Variants in SLCO3A1 observed in about 807,000 individuals in gnomAD.
SLCO3A1 encodes the protein PGE1 transporter.
Under a neutral mutation model 63.1 loss-of-function variants are expected in SLCO3A1, and 27 were observed. The observed-to-expected ratio is 0.43, with a 90% CI of 0.32 to 0.59. The LOEUF (loss-of-function observed/expected upper bound fraction) is 0.59, where lower values mean the gene tolerates loss of function less well. SLCO3A1 is among the 20% of genes least tolerant of loss of function. The pLI, the probability that SLCO3A1 is intolerant of heterozygous loss-of-function variation, is 0.09. For missense variants in SLCO3A1, 773 were observed against 945.8 expected, an observed-to-expected ratio of 0.82 and a Z score of 2.40; for synonymous variants, 473 against 409.9, an observed-to-expected ratio of 1.15 and a Z score of -1.86.
chr15:92,002,516 A>G (rs2046267705), intron 2 of SLCO3A1, among the ~76,000 whole-genome samples: 1 of 152,204 alleles, frequency 6.6e-6, no homozygotes, highest in South Asian at 2.1e-4. Flanking sequence ...TTTTAAGAAA[A>G]AAAATTATTA....
In SLCO3A1 at chr15:92,082,347, G is replaced by A. The variant is rs146326922; in HGVS notation, c.647-12534G>A. 1.9e-4 allele frequency among the ~76,000 whole-genome samples: 29 copies of A among 152,350 alleles called. No homozygotes were observed. In the East Asian group the frequency reaches 3.3e-3, roughly 17 times the overall value. On this transcript the variant is annotated intron_variant, in intron 2 of 9. Coordinates refer to ENST00000318445, the MANE Select transcript of SLCO3A1 (RefSeq NM_013272.4). ...GAGGAGACGAAGGCAAGTGGGTGATGAGAAACGCAAAGCCCTGACGGAGGG... is the reference window on the plus strand; with the variant it reads ...GAGGAGACGAAGGCAAGTGGGTGATAAGAAACGCAAAGCCCTGACGGAGGG...
At chr15:92,052,086 G>C (rs757762702) in intron 2 of SLCO3A1, among the ~76,000 whole-genome samples, 1 of 152,218 alleles carries the variant, frequency 6.6e-6, no homozygotes, top group Non-Finnish European at 1.5e-5. Flanking sequence ...CACACTGCCC[G>C]TGTCCCTGCT....
chr15:92,126,554 A>G (rs2047926421), intron 6 of SLCO3A1, among the ~76,000 whole-genome samples: 1 of 152,198 alleles, frequency 6.6e-6, no homozygotes, highest in Admixed American at 6.5e-5. Context: ...GAAGAGAGAA[A>G]ATAAAAATTT....
intron 1 of SLCO3A1, among the ~76,000 whole-genome samples, chr15:91,871,871 C>A (rs1446126936): frequency 7.1e-6 from 1 of 141,008 alleles, no homozygotes; most frequent in Admixed American, 7.5e-5. Flanking sequence ...TTTAATTCTA[C>A]CATTTTAACT....
chr15:92,049,444 A>G lies in SLCO3A1; in HGVS notation c.647-45437A>G, dbSNP rs138905272. Among the ~76,000 whole-genome samples, 556 of 152,274 alleles carry G rather than the reference A, an allele frequency of 3.7e-3. 4 individuals are homozygous for G. Among genetic ancestry groups the G allele is most frequent in the African/African-American group, 0.012 (516 of 41,568 alleles). ...TCTCCAGTACCCCCAAGCTCTTGCA[A>G]CTGACCCTAAGCTACCATTGCCCTG... is the stretch of plus-strand genomic sequence containing the variant. On this transcript the variant is annotated intron_variant, in intron 2 of 9. Transcript: ENST00000318445.
intron 2 of SLCO3A1, among the ~76,000 whole-genome samples, chr15:91,918,136 G>C (rs1898722948): frequency 6.6e-6 from 1 of 152,238 alleles, no homozygotes; most frequent in South Asian, 2.1e-4. Context: ...TCCCCACACT[G>C]GGTGAGGGTT....
At chr15:91,870,664 A>G (rs1897260882) in intron 1 of SLCO3A1, among the ~76,000 whole-genome samples, 1 of 152,134 alleles carries the variant, frequency 6.6e-6, no homozygotes, top group Non-Finnish European at 1.5e-5. Flanking sequence ...TGTATGTTAC[A>G]TTGTCTTTGA....
rs565553991 is a variant in SLCO3A1, at chr15:92,140,509, C to T, written c.1513-6475C>T. Among the ~76,000 whole-genome samples the T allele has an allele frequency of 1.2e-4, 19 of 152,096 alleles. No individual in the cohort carries two copies. The South Asian group carries it at 3.8e-3, about 30-fold the overall frequency. On this transcript the variant is annotated intron_variant, in intron 7 of 9. Transcript: ENST00000318445. Reference sequence around the variant, plus strand: ...TCTATTAGGTCCGCTTGGTGCAGAGCTGAGTTCAATTCCTGGGTATCCTTG... The same window carrying T: ...TCTATTAGGTCCGCTTGGTGCAGAGTTGAGTTCAATTCCTGGGTATCCTTG...
intron 1 of SLCO3A1, among the ~76,000 whole-genome samples, chr15:91,898,786 G>C (rs973516120): frequency 8.5e-5 from 13 of 152,202 alleles, no homozygotes; most frequent in African/African-American, 2.9e-4. Context: ...TGAATATATA[G>C]AGAGATTTAC....
chr15:92,090,332 G>A (rs1013852800), intron 2 of SLCO3A1, among the ~76,000 whole-genome samples: 2 of 152,178 alleles, frequency 1.3e-5, no homozygotes, highest in African/African-American at 4.8e-5. Context: ...AAGATATTCT[G>A]CCTTACCCCT....
chr15:91,938,213 T>G (rs1240035798), intron 2 of SLCO3A1, among the ~76,000 whole-genome samples: 1 of 152,228 alleles, frequency 6.6e-6, no homozygotes, highest in East Asian at 1.9e-4. Context: ...GGGGTAATAC[T>G]ATCTGCGTTA....
chr15:92,135,740 G>A (rs1407554879), intron 7 of SLCO3A1, among the ~76,000 whole-genome samples: 1 of 152,170 alleles, frequency 6.6e-6, no homozygotes, highest in Non-Finnish European at 1.5e-5. Context: ...CTTTATTGTG[G>A]TGGTGTCCCA....
intron 2 of SLCO3A1, among the ~76,000 whole-genome samples, chr15:91,935,928 T>C (rs1021669955): frequency 1.3e-5 from 2 of 151,678 alleles, no homozygotes; most frequent in African/African-American, 4.8e-5. Context: ...TAAGACCTAA[T>C]TATTAAAGTT....
chr15:92,162,747 C>T lies in SLCO3A1; in HGVS notation c.1754-9C>T, dbSNP rs769534394. 56 of 1,603,248 alleles carry T rather than the reference C, an allele frequency of 3.5e-5. No homozygotes were observed. The highest frequency in any genetic ancestry group is 1.7e-4 in the Admixed American group (10 of 58,702). ...ATCCAGAACCTTAACATTCTTTTCC[C>T]GGTAACAGGCTTCATCCCTCCACCC... is the stretch of plus-strand genomic sequence containing the variant. On this transcript the variant is annotated splice_polypyrimidine_tract_variant and intron_variant, in intron 9 of 9. Transcript: ENST00000318445.
chr15:92,147,473 G>T (rs1484930166), intron 8 of SLCO3A1, among the ~76,000 whole-genome samples: 1 of 152,124 alleles, frequency 6.6e-6, no homozygotes, highest in Non-Finnish European at 1.5e-5. Flanking sequence ...GAAAATGAAA[G>T]TGGCGTCAGT....
At chr15:91,946,836 A>T (rs903291780) in intron 2 of SLCO3A1, among the ~76,000 whole-genome samples, 6 of 152,208 alleles carry the variant, frequency 3.9e-5, no homozygotes, top group African/African-American at 1.2e-4. Flanking sequence ...CCTCCGAGGA[A>T]GGGCAGGTCG....
intron 1 of SLCO3A1, among the ~76,000 whole-genome samples, chr15:91,870,684 T>G (rs1338174271): frequency 6.6e-6 from 1 of 151,890 alleles, no homozygotes; most frequent in East Asian, 1.9e-4. Context: ...AACTCCATAG[T>G]TGTCTGTTTT....
At chr15:92,127,885 G>C (rs1334207841) in intron 6 of SLCO3A1, among the ~76,000 whole-genome samples, 2 of 152,172 alleles carry the variant, frequency 1.3e-5, no homozygotes, top group Admixed American at 6.5e-5. Flanking sequence ...CCAGCCCAAA[G>C]AGGGAAGAAG....
rs115157807 is a variant in SLCO3A1, at chr15:91,958,775, G to T, written c.646+42317G>T. Among the ~76,000 whole-genome samples, 800 of 152,252 alleles carry T rather than the reference G, an allele frequency of 5.3e-3. 11 individuals carry two copies. Among genetic ancestry groups the T allele is most frequent in the African/African-American group, 0.019 (772 of 41,540 alleles). ...ATTAAAAAGTCAAAAAACAATAAAT[G>T]TTGGCTTGGATGTGGTGAAAAGGGG... On this transcript the variant is annotated intron_variant, in intron 2 of 9. Coordinates refer to ENST00000318445, the MANE Select transcript of SLCO3A1 (RefSeq NM_013272.4).
Sources: allele counts gnomAD v4.1 joint callset (sites outside exome capture counted in the v4.1 genomes callset), GRCh38; gene constraint gnomAD v4.1.1; transcripts MANE v1.5; gene names NCBI Gene and HGNC (gene_info 2026-07-23, HGNC 2026-07-21).